The following PTPRM variants were observed in gnomAD, a reference collection of about 807,000 sequenced individuals.
PTPRM encodes receptor-type tyrosine-protein phosphatase mu.
A neutral mutation model predicts 186.7 loss-of-function variants in PTPRM; 47 were observed. The observed-to-expected ratio is 0.25, with a 90% confidence interval of 0.20 to 0.32. The LOEUF is 0.32. PTPRM is among the 10% of genes least tolerant of loss of function. The pLI, the probability that PTPRM is intolerant of heterozygous loss-of-function variation, is 1.00. For synonymous variants in PTPRM, 668 were observed against 674.9 expected (o/e 0.99, Z 0.16); for missense variants, 1,494 against 1,865.0 (o/e 0.80, Z 3.66).
chr18:7,929,769 C>T (rs2051371182), intron 5 of PTPRM, among the ~76,000 whole-genome samples: 1 of 152,070 alleles, frequency 6.6e-6, no homozygotes, highest in Non-Finnish European at 1.5e-5. Flanking sequence ...GCCCTCTTGC[C>T]CAGGACCCCT....
chr18:7,912,193 G>A (rs767480173), intron 4 of PTPRM, among the ~76,000 whole-genome samples: 12 of 152,104 alleles, frequency 7.9e-5, no homozygotes, highest in South Asian at 2.1e-4. Flanking sequence ...AGCTATTTGA[G>A]TTAATATTTG....
At chr18:7,839,729 C>T (rs2046229493) in intron 2 of PTPRM, among the ~76,000 whole-genome samples, 1 of 152,148 alleles carries the variant, frequency 6.6e-6, no homozygotes, top group South Asian at 2.1e-4. Context: ...CCACCAAGTC[C>T]ACTGGCTCTG....
chr18:7,834,499 C>CACACACACAT lies in PTPRM; in HGVS notation c.197-53598_197-53597insTACACACACA, dbSNP rs1179100822. 5.6e-5 allele frequency among the ~76,000 whole-genome samples: 8 copies of CACACACACAT among 141,766 alleles called. 1 individual carries two copies. The highest frequency in any genetic ancestry group is 2.2e-4 in the East Asian group (1 of 4,622). The allele number at this position is 141,766 out of a possible 152,430, so 93.0% of individuals were successfully genotyped here. A position where few individuals can be genotyped will look rare whatever the true frequency, so the allele number is the denominator to read the frequency against. ...AGGCCAATATACAAGTATACACACA[C>CACACACACAT]ACACACACACACACACACACACACA... On this transcript the variant is annotated intron_variant, in intron 2 of 32. Coordinates refer to ENST00000580170, the MANE Select transcript of PTPRM (RefSeq NM_001105244.2).
chr18:7,994,718 T>C (rs951751486), intron 7 of PTPRM, among the ~76,000 whole-genome samples: 9 of 152,052 alleles, frequency 5.9e-5, no homozygotes, highest in African/African-American at 2.2e-4. Flanking sequence ...AATATGCTCC[T>C]GAATGATAAT....
At chr18:8,195,155 T>C (rs971043345) in intron 14 of PTPRM, among the ~76,000 whole-genome samples, 2 of 126,456 alleles carry the variant, frequency 1.6e-5, no homozygotes, top group African/African-American at 5.7e-5. Context: ...AGAAGTTCTT[T>C]TTTTTTTTTT....
intron 1 of PTPRM, among the ~76,000 whole-genome samples, chr18:7,570,566 A>G (rs2036542664): frequency 6.6e-6 from 1 of 152,224 alleles, no homozygotes; most frequent in South Asian, 2.1e-4. Flanking sequence ...ATGGACCAAT[A>G]TATAATAAAA....
chr18:7,871,755 C>T (rs923241784), intron 2 of PTPRM, among the ~76,000 whole-genome samples: 2 of 152,168 alleles, frequency 1.3e-5, no homozygotes, highest in Admixed American at 6.5e-5. Flanking sequence ...GAATGTTGAA[C>T]GAGGGAGGTG....
At chr18:8,218,487 TGAATGGGGAGACAGCACCACAGA>T (rs1233404659) in intron 14 of PTPRM, among the ~76,000 whole-genome samples, 1 of 152,142 alleles carries the variant, frequency 6.6e-6, no homozygotes, top group Non-Finnish European at 1.5e-5. Flanking sequence ...ATAAGCAAGA[TGAATGGGGAGACAGCACCACAGA>T]GGCACTCAAT....
chr18:8,236,470 A>T (rs943361521), intron 14 of PTPRM, among the ~76,000 whole-genome samples: 1 of 152,154 alleles, frequency 6.6e-6, no homozygotes, highest in Non-Finnish European at 1.5e-5. Flanking sequence ...TTATATTTAA[A>T]TAAGTTTCTT....
chr18:8,332,640 T>A (rs534295329), intron 22 of PTPRM, among the ~76,000 whole-genome samples: 1 of 152,172 alleles, frequency 6.6e-6, no homozygotes, highest in Admixed American at 6.5e-5. Flanking sequence ...TGATTTTAGG[T>A]ATAAGAAGAG....
intron 2 of PTPRM, among the ~76,000 whole-genome samples, chr18:7,828,403 C>A (rs979200492): frequency 6.6e-6 from 1 of 151,954 alleles, no homozygotes; most frequent in Non-Finnish European, 1.5e-5. Flanking sequence ...TATCCCTCCC[C>A]GCTTCCCCCC....
intron 1 of PTPRM, among the ~76,000 whole-genome samples, chr18:7,618,905 A>C (rs1217020164): frequency 6.6e-6 from 1 of 152,200 alleles, no homozygotes; most frequent in East Asian, 1.9e-4. Context: ...GCATATGTTT[A>C]CCTATAATTC....
chr18:8,269,508 A>T (rs959145738), intron 19 of PTPRM, among the ~76,000 whole-genome samples: 6 of 151,560 alleles, frequency 4.0e-5, no homozygotes, highest in African/African-American at 1.2e-4. Context: ...TGAAATTCCA[A>T]TGGCATTTTT....
chr18:8,099,921 G>A (rs974446053), intron 11 of PTPRM, among the ~76,000 whole-genome samples: 2 of 152,070 alleles, frequency 1.3e-5, no homozygotes, highest in South Asian at 2.1e-4. Context: ...CCCGAGACTC[G>A]GTAATTTATA....
At chr18:8,307,923 A>C (rs561451436) in intron 20 of PTPRM, among the ~76,000 whole-genome samples, 5 of 152,354 alleles carry the variant, frequency 3.3e-5, no homozygotes, top group African/African-American at 9.6e-5. Context: ...AAAAGAATTC[A>C]CAGGGCTCTA....
intron 2 of PTPRM, among the ~76,000 whole-genome samples, chr18:7,829,232 T>C (rs1310503109): frequency 1.3e-5 from 2 of 152,326 alleles, no homozygotes; most frequent in South Asian, 2.1e-4. Context: ...CATACATAAA[T>C]GTTAGAGACA....
At position 8,052,237 on chromosome 18, in the gene PTPRM, A is replaced by G. The variant is rs1007759324; in HGVS notation, c.1133-17449A>G. ...TCACCCAGGCTGCTTCTTATGATAC[A>G]AATTCTGGGGCTTCATCACAGGCCC... is the stretch of plus-strand genomic sequence containing the variant. On this transcript the variant is annotated intron_variant, in intron 7 of 32. Coordinates refer to ENST00000580170, the MANE Select transcript of PTPRM (RefSeq NM_001105244.2). 2.6e-5 allele frequency among the ~76,000 whole-genome samples: 4 copies of G among 152,128 alleles called. No individual in the cohort carries two copies. The South Asian group carries it at 8.3e-4, about 32-fold the overall frequency.
intron 1 of PTPRM, among the ~76,000 whole-genome samples, chr18:7,629,027 AC>A (rs1442189592): frequency 6.6e-6 from 1 of 152,192 alleles, no homozygotes; most frequent in Non-Finnish European, 1.5e-5. Flanking sequence ...AGTTAGCTTC[AC>A]TGAGAAGTAT....
intron 1 of PTPRM, among the ~76,000 whole-genome samples, chr18:7,650,449 C>A (rs967139637): frequency 7.1e-6 from 1 of 140,622 alleles, no homozygotes; most frequent in Non-Finnish European, 1.6e-5. Context: ...TCAAATCCCC[C>A]CCCCCCCCAC....
Sources: allele counts gnomAD v4.1 joint callset (sites outside exome capture counted in the v4.1 genomes callset), GRCh38; gene constraint gnomAD v4.1.1; transcripts MANE v1.5; gene names NCBI Gene and HGNC (gene_info 2026-07-23, HGNC 2026-07-21).